The following PPP3CA variants were observed in gnomAD, a reference collection of about 807,000 sequenced individuals.
The protein encoded by PPP3CA is protein phosphatase 3 catalytic subunit alpha.
A neutral mutation model predicts 66.5 loss-of-function variants in PPP3CA; 14 were observed. That is an observed-to-expected ratio of 0.21 (90% CI 0.14 to 0.33). The LOEUF (loss-of-function observed/expected upper bound fraction) is 0.33, where lower values mean the gene tolerates loss of function less well. Ranked by LOEUF, PPP3CA falls within the 10% of genes least tolerant of loss-of-function variation. The pLI, the probability that PPP3CA is intolerant of heterozygous loss-of-function variation, is 1.00. For missense variants in PPP3CA, 317 were observed against 639.5 expected (o/e 0.50, Z 5.44); for synonymous variants, 232 against 226.2 (o/e 1.03, Z -0.23).
At chr4:101,212,335 A>G (rs931242884) in intron 1 of PPP3CA, among the ~76,000 whole-genome samples, 1 of 152,138 alleles carries the variant, frequency 6.6e-6, no homozygotes, top group African/African-American at 2.4e-5. Context: ...GTTGGAAGCC[A>G]TTATCCTCAG....
intron 2 of PPP3CA, among the ~76,000 whole-genome samples, chr4:101,110,617 C>T (rs1578457474): frequency 1.3e-5 from 2 of 152,140 alleles, no homozygotes; most frequent in African/African-American, 4.8e-5. Context: ...GTAGAAACAC[C>T]AGAAACATAT....
At chr4:101,134,027 A>G (rs1722534895) in intron 2 of PPP3CA, among the ~76,000 whole-genome samples, 1 of 152,244 alleles carries the variant, frequency 6.6e-6, no homozygotes, top group Non-Finnish European at 1.5e-5. Flanking sequence ...TGGTGTTGGG[A>G]AAACTGGCTA....
At chr4:101,176,581 T>C (rs1021965) in intron 2 of PPP3CA, among the ~76,000 whole-genome samples, 23,290 of 152,104 alleles carry the variant, frequency 0.15, 2,303 homozygotes, top group East Asian at 0.29. Flanking sequence ...AGTAAAATTA[T>C]ATGACTATTT....
At chr4:101,124,798 AGAG>A (rs1722193432) in intron 2 of PPP3CA, among the ~76,000 whole-genome samples, 1 of 91,210 alleles carries the variant, frequency 1.1e-5, no homozygotes, top group African/African-American at 5.9e-5. Context: ...AAAGAAAGAA[AGAG>A]AAAACTGTAT....
intron 2 of PPP3CA, among the ~76,000 whole-genome samples, chr4:101,171,933 C>A (rs568150247): frequency 6.6e-6 from 1 of 152,116 alleles, no homozygotes; most frequent in Non-Finnish European, 1.5e-5. Flanking sequence ...TGCATGACAG[C>A]ATTCAATAAA....
intron 1 of PPP3CA, among the ~76,000 whole-genome samples, chr4:101,253,277 C>G (rs967575562): frequency 6.6e-6 from 1 of 152,150 alleles, no homozygotes; most frequent in Admixed American, 6.6e-5. Flanking sequence ...TATTTTTTAG[C>G]ATACATTCTT....
chr4:101,339,949 A>C (rs1184427678), intron 1 of PPP3CA, among the ~76,000 whole-genome samples: 1 of 152,200 alleles, frequency 6.6e-6, no homozygotes, highest in Non-Finnish European at 1.5e-5. Context: ...AAGAAAGGAA[A>C]ACTGGGACAA....
intron 6 of PPP3CA, among the ~76,000 whole-genome samples, chr4:101,092,245 T>C (rs1188539134): frequency 2.0e-5 from 3 of 152,192 alleles, no homozygotes; most frequent in African/African-American, 7.2e-5. Context: ...TCCTATATAC[T>C]GTAAAGCTGC....
chr4:101,189,555 C>T (rs1724523696), intron 2 of PPP3CA, among the ~76,000 whole-genome samples: 2 of 151,744 alleles, frequency 1.3e-5, no homozygotes, highest in Admixed American at 1.3e-4. Flanking sequence ...AGCTGGGTAA[C>T]CATAGTAAGA....
intron 2 of PPP3CA, among the ~76,000 whole-genome samples, chr4:101,174,439 T>G (rs1335509352): frequency 6.6e-6 from 1 of 152,214 alleles, no homozygotes; most frequent in Non-Finnish European, 1.5e-5. Flanking sequence ...TACATCGTTT[T>G]GTATTTATGT....
At chr4:101,132,690 T>C (rs1476083727) in intron 2 of PPP3CA, among the ~76,000 whole-genome samples, 1 of 152,178 alleles carries the variant, frequency 6.6e-6, no homozygotes, top group East Asian at 1.9e-4. Context: ...GCTGGTACCA[T>C]TTCATGTGAA....
intron 3 of PPP3CA, among the ~76,000 whole-genome samples, chr4:101,107,607 G>A (rs754219664): frequency 1.3e-4 from 20 of 152,072 alleles, no homozygotes; most frequent in Non-Finnish European, 2.4e-4. Context: ...TTATGTTGGC[G>A]GAAATACATA....
chr4:101,248,514 T>G (rs1484100856), intron 1 of PPP3CA, among the ~76,000 whole-genome samples: 2 of 152,220 alleles, frequency 1.3e-5, no homozygotes, highest in Non-Finnish European at 2.9e-5. Context: ...TCACTTTCAC[T>G]AATAGTAAAC....
At position 101,347,330 on chromosome 4, in the gene PPP3CA, CGCTGCTGCT is replaced by C. The variant is rs1338557875; in HGVS notation, c.-543_-535del. The C allele has an allele frequency of 1.4e-4, 28 of 203,982 alleles. No individual in the cohort carries two copies. In the South Asian group the frequency reaches 1.5e-3, roughly 11 times the overall value. 12.6% of individuals were successfully genotyped at this position (203,982 alleles called of 1,614,324 possible). A position where few individuals can be genotyped will look rare whatever the true frequency, so the allele number is the denominator to read the frequency against. On this transcript the variant is annotated 5_prime_UTR_variant, in exon 1 of 14. Coordinates refer to ENST00000394854, the MANE Select transcript of PPP3CA (RefSeq NM_000944.5). The stretch of plus-strand genomic sequence containing the variant: ...GCGGAGAGGCGGCCGCCGCTGCTGC[CGCTGCTGCT>C]GCCGCTGCCGCTGTTGCTGCTGCCG...
At chr4:101,314,106 T>A (rs1411605627) in intron 1 of PPP3CA, among the ~76,000 whole-genome samples, 1 of 152,196 alleles carries the variant, frequency 6.6e-6, no homozygotes, top group Non-Finnish European at 1.5e-5. Flanking sequence ...TTTCATCACC[T>A]ACCCTATGTT....
chr4:101,237,447 G>A (rs371325159), intron 1 of PPP3CA, among the ~76,000 whole-genome samples: 2 of 151,994 alleles, frequency 1.3e-5, no homozygotes, highest in African/African-American at 4.8e-5. Context: ...TATTATACAC[G>A]ATCAACTTAT....
chr4:101,249,911 T>C (rs1348478315), intron 1 of PPP3CA, among the ~76,000 whole-genome samples: 1 of 152,182 alleles, frequency 6.6e-6, no homozygotes, highest in Non-Finnish European at 1.5e-5. Context: ...CAAACTAATT[T>C]TCTAGTGAAT....
intron 2 of PPP3CA, among the ~76,000 whole-genome samples, chr4:101,113,529 A>G (rs544575435): frequency 2.0e-5 from 3 of 152,116 alleles, no homozygotes; most frequent in Non-Finnish European, 4.4e-5. Context: ...GGAAGGAGGG[A>G]TGAACCTAAG....
intron 1 of PPP3CA, among the ~76,000 whole-genome samples, chr4:101,285,398 T>C (rs1578629191): frequency 6.6e-6 from 1 of 150,956 alleles, no homozygotes. Context: ...CACTAATCTG[T>C]AAATAAATGG....
Sources: gnomAD v4.1 joint callset for allele counts (sites outside exome capture counted in the v4.1 genomes callset) on GRCh38, gnomAD v4.1.1 for gene constraint, MANE v1.5 for transcripts, NCBI Gene and HGNC (gene_info 2026-07-23, HGNC 2026-07-21) for gene names.